Variants in ADAMTS16 observed in about 807,000 individuals in gnomAD.
ADAMTS16 encodes the protein A disintegrin and metalloproteinase with thrombospondin motifs 16.
In ADAMTS16, 94 loss-of-function variants were observed where a neutral mutation model predicts 145.8. The ratio of observed to expected loss-of-function variants is 0.64; its 90% confidence interval spans 0.55 to 0.77. The LOEUF (loss-of-function observed/expected upper bound fraction) is 0.77, where lower values mean the gene tolerates loss of function less well. Ranked by LOEUF, ADAMTS16 falls within the 30% of genes least tolerant of loss-of-function variation. The pLI is 0.00. For missense variants in ADAMTS16, 1,585 were observed against 1,591.5 expected, an observed-to-expected ratio of 1.00 and a Z score of 0.07; for synonymous variants, 659 against 604.3, an observed-to-expected ratio of 1.09 and a Z score of -1.33.
At chr5:5,230,467 G>A (rs1736889564) in intron 11 of ADAMTS16, among the ~76,000 whole-genome samples, 1 of 152,158 alleles carries the variant, frequency 6.6e-6, no homozygotes, top group Non-Finnish European at 1.5e-5. Context: ...AACCCTTAGT[G>A]AAAGAGCTTC....
At position 5,320,258 on chromosome 5, in the gene ADAMTS16, T is replaced by C. The variant is rs1734232402; in HGVS notation, c.*1120T>C. On this transcript the variant is annotated 3_prime_UTR_variant, in exon 23 of 23. Coordinates refer to ENST00000274181, the MANE Select transcript of ADAMTS16 (RefSeq NM_139056.4). The surrounding 1 kb of genome is among the most constrained non-coding windows in gnomAD (Gnocchi z 5.1). ...TCCATTCCAAAGGGGCACCTGGATA[T>C]TTATATTTGCTGAAGTTTTATAATA... The C allele has an allele frequency of 2.9e-5, 7 of 240,054 alleles. No homozygotes were observed. In the Admixed American group the frequency reaches 4.1e-4, roughly 14 times the overall value. 14.9% of individuals were successfully genotyped at this position (240,054 alleles called of 1,614,324 possible). A position where few individuals can be genotyped will look rare whatever the true frequency, so the allele number is the denominator to read the frequency against.
At chr5:5,276,241 G>T (rs2126462196) in intron 18 of ADAMTS16, among the ~76,000 whole-genome samples, 1 of 152,264 alleles carries the variant, frequency 6.6e-6, no homozygotes, top group Non-Finnish European at 1.5e-5. Context: ...CCAATTTATT[G>T]TATGTCTTCT....
chr5:5,263,432 A>C (rs143113392), intron 18 of ADAMTS16, among the ~76,000 whole-genome samples: 1 of 152,210 alleles, frequency 6.6e-6, no homozygotes, highest in Admixed American at 6.5e-5. Context: ...TCATCTTTAC[A>C]TGGGACATGT....
intron 17 of ADAMTS16, among the ~76,000 whole-genome samples, chr5:5,253,533 G>A (rs1737690958): frequency 6.6e-6 from 1 of 152,148 alleles, no homozygotes; most frequent in Non-Finnish European, 1.5e-5. Flanking sequence ...AGGCAGGTTT[G>A]CCCTAAGCAG....
chr5:5,228,957 A>G (rs1350085783), intron 11 of ADAMTS16, among the ~76,000 whole-genome samples: 1 of 152,174 alleles, frequency 6.6e-6, no homozygotes, highest in Non-Finnish European at 1.5e-5. Context: ...GCATTCCACA[A>G]GTTACTTCTT....
At chr5:5,257,507 G>A (rs1208878504) in intron 17 of ADAMTS16, among the ~76,000 whole-genome samples, 2 of 152,186 alleles carry the variant, frequency 1.3e-5, no homozygotes, top group South Asian at 2.1e-4. Context: ...AAATTGCGAC[G>A]TAATGCAAAC....
intron 16 of ADAMTS16, among the ~76,000 whole-genome samples, chr5:5,241,664 A>T (rs1282777490): frequency 2.0e-5 from 3 of 152,224 alleles, no homozygotes; most frequent in African/African-American, 7.2e-5. Flanking sequence ...ATCCCAAAGA[A>T]ACACCAATGA....
intron 10 of ADAMTS16, among the ~76,000 whole-genome samples, chr5:5,219,984 G>A (rs950532261): frequency 2.6e-5 from 4 of 152,112 alleles, no homozygotes; most frequent in Admixed American, 2.0e-4. Context: ...TTATGATCAC[G>A]ATTTCCTGAT....
rs1738378455 is a variant in ADAMTS16, at chr5:5,269,358, C to T, written c.2789+6575C>T. On this transcript the variant is annotated intron_variant, in intron 18 of 22. Transcript: ENST00000274181. The surrounding 1 kb of genome is among the most constrained non-coding windows in gnomAD (Gnocchi z 4.3). ...ACATGGAGCTCAGCAGTAAATGCTA[C>T]CCCCAAAATCCCATGTTATCACTCT... 6.6e-6 allele frequency among the ~76,000 whole-genome samples: 1 copy of T among 152,132 alleles called. No homozygotes were observed. The highest frequency in any genetic ancestry group is 2.1e-4 in the South Asian group (1 of 4,824).
chr5:5,214,024 A>G (rs1287720183), intron 10 of ADAMTS16, among the ~76,000 whole-genome samples: 1 of 152,216 alleles, frequency 6.6e-6, no homozygotes, highest in Non-Finnish European at 1.5e-5. Context: ...TGAGACTGCT[A>G]TCATCCACCT....
chr5:5,214,779 T>A (rs1317432739), intron 10 of ADAMTS16, among the ~76,000 whole-genome samples: 2 of 152,200 alleles, frequency 1.3e-5, no homozygotes, highest in African/African-American at 2.4e-5. Flanking sequence ...AAATTACATA[T>A]GGTGTGGCAA....
rs1479581112 is a variant in ADAMTS16 at position 5,213,889 on chromosome 5, A to G, written c.1605+4643A>G. Among the ~76,000 whole-genome samples, 4 of 152,098 alleles carry G rather than the reference A, an allele frequency of 2.6e-5. No homozygotes were observed. The East Asian group carries it at 5.8e-4, about 22-fold the overall frequency. ...CAGCTGCTCACCCCTTACCGTTAGG[A>G]CCTGCAGCAAAACCTAAGACAGACA... On this transcript the variant is annotated intron_variant, in intron 10 of 22. Transcript: ENST00000274181.
In ADAMTS16 at chr5:5,279,206, C is replaced by A. The variant is rs530733340; in HGVS notation, c.2789+16423C>A. Among the ~76,000 whole-genome samples the A allele has an allele frequency of 3.9e-5, 6 of 152,304 alleles. No individual in the cohort carries two copies. The South Asian group carries it at 6.2e-4, about 16-fold the overall frequency. On this transcript the variant is annotated intron_variant, in intron 18 of 22. Transcript: ENST00000274181. ...ATGCTGAACACCCTGTTTGTGGATG[C>A]CAGGCATTGTCTGTCTGTGGGAAAC...
intron 17 of ADAMTS16, 118 bp downstream of exon 17, chr5:5,242,309 C>A (rs1737317802): frequency 3.7e-6 from 5 of 1,360,720 alleles, no homozygotes; most frequent in South Asian, 1.5e-5. Flanking sequence ...CTGCCAGTAG[C>A]AGTGACATTC....
intron 3 of ADAMTS16, among the ~76,000 whole-genome samples, chr5:5,158,913 T>G (rs1394313986): frequency 6.6e-6 from 1 of 152,214 alleles, no homozygotes; most frequent in Non-Finnish European, 1.5e-5. Context: ...TATCGTGTAT[T>G]AAGATTCTCA....
intron 18 of ADAMTS16, among the ~76,000 whole-genome samples, chr5:5,298,495 A>C (rs1739639537): frequency 6.6e-6 from 1 of 152,236 alleles, no homozygotes; most frequent in South Asian, 2.1e-4. Context: ...ATGGCAAGTA[A>C]TAAGGCCCTT....
Position 5,186,227 on chromosome 5 carries a change from C to T in ADAMTS16, c.939C>T (p.Thr313=), listed in dbSNP as rs375228223. The change falls in exon 5 of 23, where the codon ACC becomes ACT. Residue 313 remains threonine, a synonymous_variant. Coordinates refer to ENST00000274181, the MANE Select transcript of ADAMTS16 (RefSeq NM_139056.4). The stretch of plus-strand genomic sequence containing the variant: ...ACCATGGCCATGAAAATATCACCAC[C>T]TACGTGCTCACGATACTCAACATGG... ...MQNHGHENIT[T]YVLTILNMVS... The T allele has an allele frequency of 3.8e-5, 62 of 1,613,590 alleles. No homozygotes were observed. The highest frequency in any genetic ancestry group is 1.0e-4 in the Admixed American group (6 of 59,962).
At chr5:5,191,576 C>T in intron 7 of ADAMTS16, 109 bp from the exon 8 acceptor site, 1 of 867,664 alleles carries the variant, frequency 1.2e-6, no homozygotes, top group Non-Finnish European at 1.8e-6. Context: ...TTCATATTTT[C>T]CCATATGAAC....
At chr5:5,170,946 T>C (rs1735027221) in intron 3 of ADAMTS16, among the ~76,000 whole-genome samples, 1 of 152,166 alleles carries the variant, frequency 6.6e-6, no homozygotes, top group Non-Finnish European at 1.5e-5. Context: ...ATTCTAGTGT[T>C]CTGGAGAGTT....
Sources: allele counts gnomAD v4.1 joint callset (sites outside exome capture counted in the v4.1 genomes callset), GRCh38; gene constraint gnomAD v4.1.1; non-coding constraint Gnocchi (gnomAD v3.1); transcripts MANE v1.5; gene names NCBI Gene and HGNC (gene_info 2026-07-23, HGNC 2026-07-21).